Variants in SMAD6 observed in about 807,000 individuals in gnomAD.
SMAD6 encodes MAD homolog 6.
SMAD6 carries 103 observed loss-of-function variants against 39.4 expected under a neutral mutation model. The observed-to-expected ratio is 2.62, with a 90% CI of 2.23 to 3.08. SMAD6 has a LOEUF of 3.08. Among genes scored for constraint, SMAD6 ranks in the 30% most tolerant of loss-of-function variants. SMAD6 has a pLI of 0.00. For missense variants in SMAD6, 1,104 were observed against 742.9 expected, an observed-to-expected ratio of 1.49 and a Z score of -5.65; for synonymous variants, 445 against 353.3, an observed-to-expected ratio of 1.26 and a Z score of -2.91.
intron 3 of SMAD6, among the ~76,000 whole-genome samples, chr15:66,779,875 C>G (rs1259523391): frequency 2.0e-5 from 3 of 152,238 alleles, no homozygotes; most frequent in African/African-American, 7.2e-5. Context: ...TGCCTGCCTG[C>G]TTCTCAGAGC....
At chr15:66,764,873 C>T (rs1842702636) in intron 3 of SMAD6, among the ~76,000 whole-genome samples, 2 of 152,200 alleles carry the variant, frequency 1.3e-5, no homozygotes, top group African/African-American at 4.8e-5. Context: ...TAACTTGTAA[C>T]TTAAAAGGAG....
At chr15:66,779,034 G>T (rs1894514510) in intron 3 of SMAD6, among the ~76,000 whole-genome samples, 1 of 152,204 alleles carries the variant, frequency 6.6e-6, no homozygotes, top group Admixed American at 6.5e-5. Context: ...GCATGGTGCT[G>T]CTTTTCTGGC....
intron 3 of SMAD6, among the ~76,000 whole-genome samples, chr15:66,763,157 A>T (rs1464352763): frequency 6.6e-6 from 1 of 152,180 alleles, no homozygotes; most frequent in East Asian, 1.9e-4. Context: ...GAACTAGGAG[A>T]TGGAAGGTGG....
At chr15:66,755,039 A>T (rs540529117) in intron 3 of SMAD6, among the ~76,000 whole-genome samples, 2 of 152,252 alleles carry the variant, frequency 1.3e-5, no homozygotes, top group African/African-American at 4.8e-5. Flanking sequence ...TGGGCCTGTA[A>T]ATTACTGCAC....
At chr15:66,746,196 T>A (rs1169912143) in intron 3 of SMAD6, among the ~76,000 whole-genome samples, 1 of 152,210 alleles carries the variant, frequency 6.6e-6, no homozygotes, top group East Asian at 1.9e-4. Context: ...ATGCTAGACT[T>A]GCTGAAAGGG....
In SMAD6 at chr15:66,770,003, T is replaced by G. The variant is rs146226960; in HGVS notation, c.953-10994T>G. 4.5e-3 allele frequency among the ~76,000 whole-genome samples: 691 copies of G among 152,316 alleles called. 5 individuals carry two copies. Among genetic ancestry groups the G allele is most frequent in the African/African-American group, 0.016 (663 of 41,580 alleles). ...CCACCACGCCCAGCTGATTTTTGTATTTTTAGTAGAGACAGGGTTTCACCA... is the reference window on the plus strand; with the variant it reads ...CCACCACGCCCAGCTGATTTTTGTAGTTTTAGTAGAGACAGGGTTTCACCA... On this transcript the variant is annotated intron_variant, in intron 3 of 3. Coordinates refer to ENST00000288840, the MANE Select transcript of SMAD6 (RefSeq NM_005585.5).
intron 3 of SMAD6, among the ~76,000 whole-genome samples, chr15:66,719,836 TC>T (rs994140422): frequency 1.4e-4 from 22 of 152,034 alleles, no homozygotes; most frequent in African/African-American, 5.1e-4. Flanking sequence ...GATCTCTACA[TC>T]AGCTCCCAAT....
chr15:66,738,593 C>T (rs1893755877), intron 3 of SMAD6, among the ~76,000 whole-genome samples: 1 of 152,172 alleles, frequency 6.6e-6, no homozygotes. Flanking sequence ...TAACATTTTC[C>T]TCTCTGCCCT....
chr15:66,754,569 A>G (rs1894065022), intron 3 of SMAD6, among the ~76,000 whole-genome samples: 1 of 152,084 alleles, frequency 6.6e-6, no homozygotes, highest in Non-Finnish European at 1.5e-5. Flanking sequence ...TTTTCATACC[A>G]TTTAGTGATT....
Position 66,703,856 on chromosome 15 carries a change from G to GGCGTGCCGGGCGGCT in SMAD6, c.605_619dup (p.Pro202_Val206dup). 1 of 1,346,670 alleles carries GGCGTGCCGGGCGGCT rather than the reference G, an allele frequency of 7.4e-7. No homozygotes were observed. Among genetic ancestry groups the GGCGTGCCGGGCGGCT allele is most frequent in the Non-Finnish European group, 9.6e-7 (1 of 1,038,614 alleles). The allele number at this position is 1,346,670 out of a possible 1,614,324, so 83.4% of individuals were successfully genotyped here. A position where few individuals can be genotyped will look rare whatever the true frequency, so the allele number is the denominator to read the frequency against. Reference sequence around the variant, plus strand: ...GCTGGAGGCGGTGGAGTCCCGCGGCGGCGTGCCGGGCGGCTGCGTGCTGGT... The same window carrying GGCGTGCCGGGCGGCT: ...GCTGGAGGCGGTGGAGTCCCGCGGCGGCGTGCCGGGCGGCTGCGTGCCGGGCGGCTGCGTGCTGGT... On this transcript the variant is annotated inframe_insertion, in exon 1 of 4. Transcript: ENST00000288840.
chr15:66,717,079 G>T, intron 3 of SMAD6: 1 of 1,288,996 alleles, frequency 7.8e-7, no homozygotes, highest in Non-Finnish European at 1.0e-6. Flanking sequence ...GTTAGAAGCT[G>T]GTCATAGGGA....
In SMAD6 at chr15:66,776,076, C is replaced by T. The variant is rs1334215027; in HGVS notation, c.953-4921C>T. On this transcript the variant is annotated intron_variant, in intron 3 of 3. Transcript: ENST00000288840. ...GAGAGAATGGAGCTAAAGCAGGGCT[C>T]ATTCTAGACATTCAGACATTTGTTG... 4.6e-5 allele frequency among the ~76,000 whole-genome samples: 7 copies of T among 152,366 alleles called. No homozygotes were observed. In the East Asian group the frequency reaches 1.4e-3, roughly 29 times the overall value.
intron 1 of SMAD6, chr15:66,707,483 G>A (rs1052032645): frequency 6.6e-6 from 1 of 152,256 alleles, no homozygotes; most frequent in Non-Finnish European, 1.5e-5. Context: ...CCTTTGAAAT[G>A]AGATCAATTT....
intron 3 of SMAD6, among the ~76,000 whole-genome samples, chr15:66,754,721 A>G (rs905690513): frequency 2.6e-5 from 4 of 152,194 alleles, no homozygotes; most frequent in African/African-American, 9.7e-5. Context: ...ATGATTAATT[A>G]TAATCCCCAT....
rs1284488632 is a variant in SMAD6, at chr15:66,781,467, T to C, written c.1423T>C (p.Cys475Arg). The change falls in exon 4 of 4, where the codon TGC (cysteine) becomes CGC (arginine). Residue 475 changes from cysteine to arginine, a missense_variant. Cys to Arg is a radical substitution (Grantham distance 180). Transcript: ENST00000288840. Reference sequence around the variant, plus strand: ...CAGCTTCGCCAAGGGCTGGGGGCCCTGCTACTCCCGGCAGTTCATCACCTC... The same window carrying C: ...CAGCTTCGCCAAGGGCTGGGGGCCCCGCTACTCCCGGCAGTTCATCACCTC... ...RISFAKGWGP[C>R]YSRQFITSCP... 1 of 1,602,958 alleles carries C rather than the reference T, an allele frequency of 6.2e-7. No homozygotes were observed. The highest frequency in any genetic ancestry group is 2.2e-5 in the East Asian group (1 of 44,628).
At position 66,703,556 on chromosome 15, in the gene SMAD6, G is replaced by C. The variant is rs946134204; in HGVS notation, c.298G>C (p.Ala100Pro). 2 of 1,222,606 alleles carry C rather than the reference G, an allele frequency of 1.6e-6. No homozygotes were observed. Among genetic ancestry groups the C allele is most frequent in the Non-Finnish European group, 2.0e-6 (2 of 979,702 alleles). The allele number at this position is 1,222,606 out of a possible 1,614,324, so 75.7% of individuals were successfully genotyped here. Residue 100 changes from alanine (A) to proline (P), a missense_variant, in exon 1 of 4, where the codon GCT becomes CCT. Ala to Pro is a conservative substitution (Grantham distance 27). Transcript: ENST00000288840. ...GCCCATGTCGGAGCCAGGGGCCGGCGCTGGGAGCTCCCTGCTGGACGTGGC... is the reference window on the plus strand; with the variant it reads ...GCCCATGTCGGAGCCAGGGGCCGGCCCTGGGAGCTCCCTGCTGGACGTGGC... ...PRPMSEPGAG[A>P]GSSLLDVAEP...
At chr15:66,716,692 A>T (rs1279752561) in intron 3 of SMAD6, among the ~76,000 whole-genome samples, 194 bp downstream of exon 3, 1 of 152,236 alleles carries the variant, frequency 6.6e-6, no homozygotes, top group Non-Finnish European at 1.5e-5. Context: ...TGTATGAGTG[A>T]AACCTGAAGA....
intron 3 of SMAD6, among the ~76,000 whole-genome samples, chr15:66,752,565 T>A (rs1160920859): frequency 2.6e-5 from 4 of 152,018 alleles, no homozygotes; most frequent in African/African-American, 9.7e-5. Context: ...GCAGGAGGAT[T>A]ACTGAGGCTG....
At chr15:66,716,303 G>GT in intron 2 of SMAD6, 118 bp from the exon 3 acceptor site, 2 of 749,322 alleles carry the variant, frequency 2.7e-6, no homozygotes. Context: ...GGGACATGCT[G>GT]CCCTTTGCAA....
Sources: allele counts gnomAD v4.1 joint callset (sites outside exome capture counted in the v4.1 genomes callset), GRCh38; gene constraint gnomAD v4.1.1; transcripts MANE v1.5; gene names NCBI Gene and HGNC (gene_info 2026-07-23, HGNC 2026-07-21).